PSMF1: variants seen among roughly 807,000 people sequenced by gnomAD.
The protein encoded by PSMF1 is proteasome inhibitor subunit 1.
In PSMF1, 30 loss-of-function variants were observed where a neutral mutation model predicts 29.3. The ratio of observed to expected loss-of-function variants is 1.02; its 90% CI spans 0.77 to 1.39. PSMF1 has a LOEUF of 1.39. Ranked by LOEUF, PSMF1 falls within the 40% of genes most tolerant of loss-of-function variation. The probability of loss-of-function intolerance (pLI) is 0.00; values close to 1 mark genes in which losing one functional copy is unlikely to be tolerated. For missense variants in PSMF1, 344 were observed against 357.5 expected (o/e 0.96, Z 0.31); for synonymous variants, 134 against 139.7 (o/e 0.96, Z 0.29).
chr20:1,162,939 T>TC (rs2086684705), intron 4 of PSMF1, among the ~76,000 whole-genome samples, 191 bp from the exon 5 acceptor site: 2 of 152,214 alleles, frequency 1.3e-5, no homozygotes, highest in African/African-American at 4.8e-5. Context: ...AGGTTTGTGT[T>TC]CCGCCCTTCT....
rs2086728627 is a variant in PSMF1, at chr20:1,166,223, TCAG to T, written c.*1145_*1147del. The T allele has an allele frequency of 1.2e-6, 2 of 1,612,360 alleles. No individual in the cohort carries two copies. Among genetic ancestry groups the T allele is most frequent in the South Asian group, 2.2e-5 (2 of 90,892 alleles). Reference sequence around the variant, plus strand: ...ACCTTTGGTGTTCTCCGGATCCTTTTCAGCCCGAGGCCTGACAGACGCGGGCAG... The same window carrying T: ...ACCTTTGGTGTTCTCCGGATCCTTTTCCCGAGGCCTGACAGACGCGGGCAG... On this transcript the variant is annotated 3_prime_UTR_variant, in exon 7 of 7. Transcript: ENST00000335877.
Position 1,158,648 on chromosome 20 carries a change from T to C in PSMF1, c.552-4482T>C, listed in dbSNP as rs1203165722. 2.6e-5 allele frequency among the ~76,000 whole-genome samples: 4 copies of C among 152,350 alleles called. No homozygotes were observed. In the South Asian group the frequency reaches 6.2e-4, roughly 24 times the overall value. On this transcript the variant is annotated intron_variant, in intron 4 of 6. Coordinates refer to ENST00000335877, the MANE Select transcript of PSMF1 (RefSeq NM_006814.5). ...TCCCTTTCCAGTCCCTTAAAGAGGC[T>C]GCTTTTGCAGTAGCGACATACTACC...
intron 1 of PSMF1, among the ~76,000 whole-genome samples, chr20:1,122,490 G>C (rs916594731): frequency 1.3e-5 from 2 of 151,918 alleles, no homozygotes; most frequent in Non-Finnish European, 2.9e-5. Flanking sequence ...AGTAGAGACA[G>C]GGTTTCACCA....
At chr20:1,118,302 T>C (rs1235334871), upstream of PSMF1, 2 of 156,982 alleles carry the variant, frequency 1.3e-5, no homozygotes, top group Non-Finnish European at 2.8e-5. Context: ...ATGTGGACGG[T>C]AGCAAGCACG....
At chr20:1,124,293 G>A (rs2086125783) in intron 1 of PSMF1, among the ~76,000 whole-genome samples, 1 of 151,828 alleles carries the variant, frequency 6.6e-6, no homozygotes, top group Non-Finnish European at 1.5e-5. Context: ...AAAGTCTTAG[G>A]ATTTTTAAAA....
chr20:1,135,040 C>T (rs1490152912), intron 3 of PSMF1, 81 bp from the exon 4 acceptor site: 2 of 1,471,950 alleles, frequency 1.4e-6, no homozygotes. Context: ...GCCGCCGCCG[C>T]CGCCGTCGTT....
In PSMF1 at chr20:1,165,168, C is replaced by G. The variant is rs1196996967; in HGVS notation, c.*88C>G. The G allele has an allele frequency of 1.2e-6, 2 of 1,607,626 alleles. No homozygotes were observed. The highest frequency in any genetic ancestry group is 3.4e-5 in the Admixed American group (2 of 59,510). On this transcript the variant is annotated 3_prime_UTR_variant, in exon 7 of 7. Coordinates refer to ENST00000335877, the MANE Select transcript of PSMF1 (RefSeq NM_006814.5). ...CCATCAGCAACCATGTTCTTGCAGG[C>G]TGGGGGCAAGGGATTCTGCTCATGT...
intron 4 of PSMF1, chr20:1,160,929 A>G: frequency 2.2e-6 from 1 of 446,350 alleles, no homozygotes; most frequent in South Asian, 2.0e-5. Context: ...AGGCCAACAG[A>G]AAGAAGATGG....
At chr20:1,161,757 G>T (rs1220997986) in intron 4 of PSMF1, 3 of 460,404 alleles carry the variant, frequency 6.5e-6, no homozygotes, top group South Asian at 2.8e-5. Context: ...GTATAAATTT[G>T]CCCCTGACAA....
intron 3 of PSMF1, among the ~76,000 whole-genome samples, chr20:1,131,531 G>A (rs531715858): frequency 8.4e-4 from 128 of 152,290 alleles, no homozygotes; most frequent in Admixed American, 1.4e-3. Context: ...AGTCATCTCC[G>A]TGGAAATGGG....
chr20:1,121,169 G>C (rs2086082485), intron 1 of PSMF1, among the ~76,000 whole-genome samples: 2 of 151,712 alleles, frequency 1.3e-5, no homozygotes, highest in Non-Finnish European at 2.9e-5. Flanking sequence ...AATTCCCCAA[G>C]GTCCATCTAA....
rs2086715986 is a variant in PSMF1, at chr20:1,165,325, T to TTCACCACCAGCTCCTC, written c.*248_*263dup. 2 of 1,388,708 alleles carry TTCACCACCAGCTCCTC rather than the reference T, an allele frequency of 1.4e-6. No homozygotes were observed. Among genetic ancestry groups the TTCACCACCAGCTCCTC allele is most frequent in the Admixed American group, 6.5e-5 (2 of 30,938 alleles). 86.0% of individuals were successfully genotyped at this position (1,388,708 alleles called of 1,614,324 possible). A position where few individuals can be genotyped will look rare whatever the true frequency, so the allele number is the denominator to read the frequency against. ...CTCTTTCACCATCAGCTCCTCCCCTTTCACCACCAGCTCCTCTCCACTTCC... is the reference window on the plus strand; with the variant it reads ...CTCTTTCACCATCAGCTCCTCCCCTTTCACCACCAGCTCCTCTCACCACCAGCTCCTCTCCACTTCC... On this transcript the variant is annotated 3_prime_UTR_variant, in exon 7 of 7. Transcript: ENST00000335877.
At chr20:1,153,364 T>C (rs2086555068) in intron 4 of PSMF1, among the ~76,000 whole-genome samples, 1 of 152,150 alleles carries the variant, frequency 6.6e-6, no homozygotes, top group Non-Finnish European at 1.5e-5. Flanking sequence ...CGTATCCCTC[T>C]CCCTCAGCTC....
At chr20:1,127,687 A>G (rs578197854) in intron 3 of PSMF1, among the ~76,000 whole-genome samples, 179 bp downstream of exon 3, 3 of 152,326 alleles carry the variant, frequency 2.0e-5, no homozygotes, top group Non-Finnish European at 4.4e-5. Flanking sequence ...GGAGACTTCC[A>G]TAGGAAATGC....
At chr20:1,135,971 T>TA (rs1212513121) in intron 4 of PSMF1, among the ~76,000 whole-genome samples, 1 of 152,148 alleles carries the variant, frequency 6.6e-6, no homozygotes, top group African/African-American at 2.4e-5. Context: ...ATACTGTTGG[T>TA]AGGGATAAGG....
At chr20:1,122,295 CTTTTTT>C (rs144183769) in intron 1 of PSMF1, among the ~76,000 whole-genome samples, 85 of 131,596 alleles carry the variant, frequency 6.5e-4, no homozygotes, top group Admixed American at 6.9e-4. Flanking sequence ...TTTTTCTTTT[CTTTTTT>C]TTTTTTTTTT....
Position 1,167,721 on chromosome 20 carries a change from T to A in PSMF1, c.*2641T>A, listed in dbSNP as rs1391387279. On this transcript the variant is annotated 3_prime_UTR_variant, in exon 7 of 7. Coordinates refer to ENST00000335877, the MANE Select transcript of PSMF1 (RefSeq NM_006814.5). ...ATATCACATTTTGCTTATCCTTTTA[T>A]CAGTTGATGGACAGTTGGGTTGTTT... The A allele has an allele frequency of 6.6e-6, 1 of 152,246 alleles. No homozygotes were observed. Among genetic ancestry groups the A allele is most frequent in the Admixed American group, 6.5e-5 (1 of 15,286 alleles). 9.4% of individuals were successfully genotyped at this position (152,246 alleles called of 1,614,324 possible). A position where few individuals can be genotyped will look rare whatever the true frequency, so the allele number is the denominator to read the frequency against.
At chr20:1,161,848 T>C (rs778544936) in intron 4 of PSMF1, among the ~76,000 whole-genome samples, 8 of 152,264 alleles carry the variant, frequency 5.3e-5, no homozygotes, top group Non-Finnish European at 1.2e-4. Context: ...GTGTCTGATA[T>C]CAGCAGTGGA....
At chr20:1,126,017 C>T (rs1158983835) in intron 2 of PSMF1, 1 of 457,744 alleles carries the variant, frequency 2.2e-6, no homozygotes, top group African/African-American at 2.0e-5. Flanking sequence ...ATTTCCTATG[C>T]TGGAAGGCTC....
Sources: gnomAD v4.1 joint callset for allele counts (sites outside exome capture counted in the v4.1 genomes callset) on GRCh38, gnomAD v4.1.1 for gene constraint, MANE v1.5 for transcripts, NCBI Gene and HGNC (gene_info 2026-07-23, HGNC 2026-07-21) for gene names.